OPCML: variants seen among roughly 807,000 people sequenced by gnomAD.
The protein encoded by OPCML is opioid-binding protein/cell adhesion molecule.
OPCML carries 13 observed loss-of-function variants against 37.8 expected under a neutral mutation model. That is an observed-to-expected ratio of 0.34 (90% CI 0.22 to 0.55). OPCML has a LOEUF of 0.55. Ranked by LOEUF, OPCML falls within the 20% of genes least tolerant of loss-of-function variation. The pLI, the probability that OPCML is intolerant of heterozygous loss-of-function variation, is 0.91. For missense variants in OPCML, 341 were observed against 435.6 expected, an observed-to-expected ratio of 0.78 and a Z score of 1.93; for synonymous variants, 176 against 168.8, an observed-to-expected ratio of 1.04 and a Z score of -0.33.
chr11:133,015,119 G>C (rs1321727437), intron 1 of OPCML, among the ~76,000 whole-genome samples: 1 of 151,970 alleles, frequency 6.6e-6, no homozygotes, highest in Non-Finnish European at 1.5e-5. Context: ...ACAATATACA[G>C]GTAATAAATT....
At chr11:132,632,351 G>C (rs1034468834) in intron 3 of OPCML, among the ~76,000 whole-genome samples, 2 of 150,492 alleles carry the variant, frequency 1.3e-5, no homozygotes, top group Admixed American at 1.3e-4. Context: ...GATTTAAAAG[G>C]TTCCTTTGCA....
chr11:132,756,223 C>A (rs1946038683), intron 2 of OPCML, among the ~76,000 whole-genome samples: 1 of 152,124 alleles, frequency 6.6e-6, no homozygotes, highest in Admixed American at 6.6e-5. Context: ...TTCCCGAGTT[C>A]TTGAAATACT....
intron 2 of OPCML, among the ~76,000 whole-genome samples, chr11:132,846,760 T>C (rs975923603): frequency 1.3e-4 from 20 of 152,150 alleles, no homozygotes; most frequent in African/African-American, 2.4e-4. Flanking sequence ...ACTCCCAACA[T>C]GATCTACTCA....
At chr11:132,645,297 C>A (rs1444717293) in intron 3 of OPCML, among the ~76,000 whole-genome samples, 1 of 152,190 alleles carries the variant, frequency 6.6e-6, no homozygotes, top group African/African-American at 2.4e-5. Flanking sequence ...CCATGCTGGA[C>A]GTGGCTTTTC....
At chr11:132,478,127 C>T (rs2096163778) in intron 4 of OPCML, among the ~76,000 whole-genome samples, 1 of 152,102 alleles carries the variant, frequency 6.6e-6, no homozygotes, top group African/African-American at 2.4e-5. Flanking sequence ...AAATGAAGGT[C>T]AAGGCATGTG....
At chr11:132,741,165 G>C (rs547359363) in intron 2 of OPCML, among the ~76,000 whole-genome samples, 4 of 152,192 alleles carry the variant, frequency 2.6e-5, no homozygotes, top group Non-Finnish European at 5.9e-5. Flanking sequence ...AACTTATCCT[G>C]TCTCATGCAC....
intron 1 of OPCML, among the ~76,000 whole-genome samples, chr11:133,144,803 G>A (rs1949875175): frequency 6.6e-6 from 1 of 152,208 alleles, no homozygotes; most frequent in African/African-American, 2.4e-5. Flanking sequence ...GTAGCTAAGA[G>A]ATATTTCCAT....
intron 1 of OPCML, among the ~76,000 whole-genome samples, chr11:133,476,206 C>T (rs574833498): frequency 1.1e-3 from 169 of 152,292 alleles, no homozygotes; most frequent in Non-Finnish European, 1.8e-3. Flanking sequence ...TGGGGACTTA[C>T]AGCTACTCCC....
intron 1 of OPCML, among the ~76,000 whole-genome samples, chr11:133,235,055 CTG>C (rs1482704735): frequency 6.6e-6 from 1 of 152,086 alleles, no homozygotes; most frequent in Non-Finnish European, 1.5e-5. Flanking sequence ...AGTATCGGAG[CTG>C]TGCACCGAGA....
chr11:132,993,824 A>C (rs1946826986), intron 1 of OPCML, among the ~76,000 whole-genome samples: 1 of 151,184 alleles, frequency 6.6e-6, no homozygotes, highest in Non-Finnish European at 1.5e-5. Flanking sequence ...CTACCCCCCC[A>C]CCCCGGAATC....
At chr11:132,541,954 A>C (rs2096357648) in intron 3 of OPCML, among the ~76,000 whole-genome samples, 1 of 152,232 alleles carries the variant, frequency 6.6e-6, no homozygotes, top group African/African-American at 2.4e-5. Context: ...AGGTCATACC[A>C]AAAGCACCTG....
At chr11:132,692,291 A>G (rs4385907) in intron 2 of OPCML, among the ~76,000 whole-genome samples, 1 of 152,076 alleles carries the variant, frequency 6.6e-6, no homozygotes, top group African/African-American at 2.4e-5. Context: ...TGGTGTGTCC[A>G]GCACTAAATT....
chr11:133,475,016 G>A (rs1947207551), intron 1 of OPCML, among the ~76,000 whole-genome samples: 1 of 152,094 alleles, frequency 6.6e-6, no homozygotes, highest in Non-Finnish European at 1.5e-5. Context: ...GAAAGTTTTT[G>A]GCAATCCGTG....
intron 1 of OPCML, among the ~76,000 whole-genome samples, chr11:133,411,570 T>A (rs1260978438): frequency 6.6e-6 from 1 of 152,170 alleles, no homozygotes; most frequent in Non-Finnish European, 1.5e-5. Flanking sequence ...CTGGGTCCTG[T>A]CACCTCACAG....
chr11:132,842,392 T>C (rs762181331), intron 2 of OPCML, among the ~76,000 whole-genome samples: 8 of 152,220 alleles, frequency 5.3e-5, no homozygotes, highest in Non-Finnish European at 8.8e-5. Flanking sequence ...TCAGCAGCTC[T>C]GGCCACAGCC....
chr11:133,020,056 C>T (rs1198927812), intron 1 of OPCML, among the ~76,000 whole-genome samples: 1 of 152,206 alleles, frequency 6.6e-6, no homozygotes, highest in African/African-American at 2.4e-5. Flanking sequence ...CCTCCAGGGG[C>T]GGATGCGGTC....
At chr11:132,861,033 C>A (rs1168989974) in intron 2 of OPCML, among the ~76,000 whole-genome samples, 3 of 152,220 alleles carry the variant, frequency 2.0e-5, no homozygotes, top group African/African-American at 2.4e-5. Flanking sequence ...GGGACTTTTG[C>A]AGATATTTTA....
At chr11:133,066,176 T>C (rs1853988671) in intron 1 of OPCML, 1 of 152,342 alleles carries the variant, frequency 6.6e-6, no homozygotes, top group African/African-American at 2.4e-5. Flanking sequence ...AGTGGGACCC[T>C]GGCTTGCCTC....
intron 1 of OPCML, among the ~76,000 whole-genome samples, chr11:133,475,068 C>A (rs1030215495): frequency 2.6e-5 from 4 of 152,014 alleles, no homozygotes; most frequent in African/African-American, 9.7e-5. Context: ...ACAAGGAGGC[C>A]CTGGCTGCTC....
Sources: allele counts gnomAD v4.1 joint callset (sites outside exome capture counted in the v4.1 genomes callset), GRCh38; gene constraint gnomAD v4.1.1; transcripts MANE v1.5; gene names NCBI Gene and HGNC (gene_info 2026-07-23, HGNC 2026-07-21).